Variants in OR2L13 observed in about 807,000 individuals in gnomAD.
OR2L13 encodes the protein olfactory receptor family 2 subfamily L member 13, also known as olfactory receptor 2L13.
A neutral mutation model predicts 15.3 loss-of-function variants in OR2L13; 14 were observed. That is an observed-to-expected ratio of 0.91 (90% CI 0.60 to 1.43). The LOEUF is 1.43. Ranked by LOEUF, OR2L13 falls within the 40% of genes most tolerant of loss-of-function variation. OR2L13 has a pLI of 0.00. For synonymous variants in OR2L13, 152 were observed against 142.9 expected, an observed-to-expected ratio of 1.06 and a Z score of -0.45; for missense variants, 367 against 387.9, an observed-to-expected ratio of 0.95 and a Z score of 0.45.
chr1:247,947,186 G>T, the OR2L13 span, among the ~76,000 whole-genome samples: 5,569 of 152,232 alleles, frequency 0.037, 114 homozygotes, highest in African/African-American at 0.057. Context: ...TATAGCAAAT[G>T]ATATTTATTT....
At chr1:248,038,337 C>T in the OR2L13 span, 1 of 1,613,544 alleles carries the variant, frequency 6.2e-7, no homozygotes, top group Admixed American at 1.7e-5. Flanking sequence ...AAGAATTGGC[C>T]TTTTCGTATT....
chr1:248,003,850 C>T, the OR2L13 span: 3 of 1,612,912 alleles, frequency 1.9e-6, no homozygotes, highest in African/African-American at 2.7e-5. Context: ...ACCTGACCTG[C>T]AGCACCCACC....
At chr1:248,098,461 C>T (rs531776020) in intron 1 of OR2L13, among the ~76,000 whole-genome samples, 190 bp from the exon 2 acceptor site, 18 of 152,312 alleles carry the variant, frequency 1.2e-4, no homozygotes, top group Non-Finnish European at 2.2e-4. Context: ...GTGCACCTGT[C>T]ATGTTCCCAA....
the OR2L13 span, among the ~76,000 whole-genome samples, chr1:248,019,844 G>A: frequency 6.6e-6 from 1 of 151,720 alleles, no homozygotes; most frequent in Non-Finnish European, 1.5e-5. Flanking sequence ...GGGAATGTGG[G>A]GCTACAATCT....
the OR2L13 span, among the ~76,000 whole-genome samples, chr1:248,027,903 G>A: frequency 1.3e-5 from 2 of 151,928 alleles, no homozygotes; most frequent in Non-Finnish European, 2.9e-5. Flanking sequence ...CACTTTGGGA[G>A]GCTGAGGTGG....
the OR2L13 span, among the ~76,000 whole-genome samples, chr1:248,006,283 GTGTT>G: frequency 7.2e-5 from 10 of 138,754 alleles, no homozygotes; most frequent in East Asian, 2.1e-4. Context: ...GTGTGTGTGT[GTGTT>G]TGTGTGCATA....
chr1:247,970,854 G>A, the OR2L13 span, among the ~76,000 whole-genome samples: 1 of 152,116 alleles, frequency 6.6e-6, no homozygotes, highest in Non-Finnish European at 1.5e-5. Flanking sequence ...TATCACTGAG[G>A]AATCTTTATG....
the OR2L13 span, among the ~76,000 whole-genome samples, chr1:247,967,647 TC>T: frequency 6.6e-6 from 1 of 152,292 alleles, no homozygotes; most frequent in South Asian, 2.1e-4. Context: ...AATCAATTTG[TC>T]CAGAAATACC....
chr1:248,023,357 C>T, the OR2L13 span: 1 of 152,468 alleles, frequency 6.6e-6, no homozygotes, highest in African/African-American at 2.4e-5. Context: ...AAATTTACCT[C>T]AGGATAAATA....
At chr1:248,004,067 T>C in the OR2L13 span, 1 of 1,603,510 alleles carries the variant, frequency 6.2e-7, no homozygotes, top group Non-Finnish European at 8.5e-7. Context: ...TGTGAAAATG[T>C]AGAAACACTT....
chr1:248,022,910 AAGCG>A, the OR2L13 span: 4 of 1,576,254 alleles, frequency 2.5e-6, no homozygotes, highest in African/African-American at 1.4e-5. Context: ...GTTAGAGTCA[AAGCG>A]CTAGGTTCAT....
chr1:247,978,143 G>A, the OR2L13 span, among the ~76,000 whole-genome samples: 1 of 152,314 alleles, frequency 6.6e-6, no homozygotes, highest in African/African-American at 2.4e-5. Flanking sequence ...CTGCTGCTCA[G>A]TCTTCGGGTC....
chr1:248,061,844 C>G, the OR2L13 span: 1 of 387,202 alleles, frequency 2.6e-6, no homozygotes, highest in East Asian at 3.9e-5. Flanking sequence ...TTGAAAGCAC[C>G]TACTTTTACT....
At chr1:247,990,713 T>C in the OR2L13 span, 1 of 1,553,440 alleles carries the variant, frequency 6.4e-7, no homozygotes, top group South Asian at 1.1e-5. Flanking sequence ...GGATCTTGGA[T>C]GATAGGCTCC....
chr1:248,033,059 T>A, the OR2L13 span, among the ~76,000 whole-genome samples: 1 of 152,196 alleles, frequency 6.6e-6, no homozygotes, highest in African/African-American at 2.4e-5. Context: ...TTGAGATGAC[T>A]TTTTCAGGAT....
the OR2L13 span, among the ~76,000 whole-genome samples, chr1:247,993,138 A>G: frequency 6.6e-6 from 1 of 151,612 alleles, no homozygotes; most frequent in Admixed American, 6.6e-5. Context: ...ATGCTGAGTA[A>G]TTTTTCTTGT....
At chr1:247,938,156 G>A in the OR2L13 span, among the ~76,000 whole-genome samples, 1 of 151,964 alleles carries the variant, frequency 6.6e-6, no homozygotes, top group Non-Finnish European at 1.5e-5. Context: ...CCTGACAATT[G>A]AGTTTTTTTA....
the OR2L13 span, among the ~76,000 whole-genome samples, chr1:248,032,519 T>G: frequency 6.6e-6 from 1 of 152,138 alleles, no homozygotes; most frequent in Non-Finnish European, 1.5e-5. Context: ...CTTGACTCCC[T>G]TCCCCCATCC....
the OR2L13 span, chr1:247,965,387 GA>G: frequency 6.2e-7 from 1 of 1,608,898 alleles, no homozygotes; most frequent in Non-Finnish European, 8.5e-7. Flanking sequence ...ATGAAAACAG[GA>G]AATCAAAGTT....
Sources: allele counts gnomAD v4.1 joint callset (sites outside exome capture counted in the v4.1 genomes callset), GRCh38; gene constraint gnomAD v4.1.1; transcripts MANE v1.5; gene names NCBI Gene and HGNC (gene_info 2026-07-23, HGNC 2026-07-21).